LOC122539214: variants seen among roughly 807,000 people sequenced by gnomAD.
chr19:52,652,786 G>C, the LOC122539214 span: 121,008 of 845,264 alleles, frequency 0.14, 10,096 homozygotes, highest in East Asian at 0.28. Flanking sequence ...CCCACTAAAG[G>C]CTTTGCCACA....
the LOC122539214 span, chr19:52,655,379 C>A: frequency 1.7e-6 from 1 of 571,688 alleles, no homozygotes; most frequent in Non-Finnish European, 3.0e-6. Context: ...TATGTAAAAC[C>A]ACTCCATAGG....
At chr19:52,673,519 C>A in the LOC122539214 span, among the ~76,000 whole-genome samples, 7 of 151,842 alleles carry the variant, frequency 4.6e-5, no homozygotes, top group South Asian at 1.2e-3. Context: ...CACACACACA[C>A]AAAATGCTAT....
the LOC122539214 span, chr19:52,652,464 T>G: frequency 7.2e-6 from 3 of 414,942 alleles, no homozygotes; most frequent in Non-Finnish European, 9.6e-6. Flanking sequence ...CTGCCACAAT[T>G]ATCACAGTTG....
At chr19:52,685,796 G>C in the LOC122539214 span, among the ~76,000 whole-genome samples, 1 of 151,826 alleles carries the variant, frequency 6.6e-6, no homozygotes, top group African/African-American at 2.4e-5. Flanking sequence ...TACTCAGGAG[G>C]CTGAAGCAGG....
chr19:52,666,597 C>T, the LOC122539214 span, among the ~76,000 whole-genome samples: 14 of 107,688 alleles, frequency 1.3e-4, no homozygotes, highest in Admixed American at 1.7e-3. Context: ...CACACCTCAT[C>T]AAGGAAGAAC....
chr19:52,681,718 T>C, the LOC122539214 span, among the ~76,000 whole-genome samples: 1 of 152,296 alleles, frequency 6.6e-6, no homozygotes, highest in South Asian at 2.1e-4. Flanking sequence ...AGATACAGCT[T>C]CAAAACTAAA....
the LOC122539214 span, chr19:52,654,131 G>C: frequency 3.2e-5 from 52 of 1,605,498 alleles, 4 homozygotes; most frequent in Middle Eastern, 6.6e-3. Flanking sequence ...GATCCAAGCT[G>C]ATCTTTAATA....
At chr19:52,654,144 C>CTTG in the LOC122539214 span, 1 of 1,605,844 alleles carries the variant, frequency 6.2e-7, no homozygotes, top group Non-Finnish European at 8.5e-7. Flanking sequence ...CTTTAATAGG[C>CTTG]TTGTTTCCAG....
chr19:52,689,408 C>T, the LOC122539214 span, among the ~76,000 whole-genome samples: 59 of 152,106 alleles, frequency 3.9e-4, no homozygotes, highest in South Asian at 8.3e-4. Context: ...CACTCTCTAG[C>T]ACTCCAGATC....
At chr19:52,678,415 A>C in the LOC122539214 span, among the ~76,000 whole-genome samples, 1 of 142,672 alleles carries the variant, frequency 7.0e-6, no homozygotes. Context: ...GCACCATTGC[A>C]CTCCAGCCTG....
the LOC122539214 span, among the ~76,000 whole-genome samples, chr19:52,665,182 T>C: frequency 1.3e-5 from 2 of 152,062 alleles, no homozygotes. Flanking sequence ...TCCAGAGACT[T>C]TCCTAGAGCC....
the LOC122539214 span, chr19:52,653,323 T>G: frequency 7.6e-7 from 1 of 1,310,706 alleles, no homozygotes; most frequent in Non-Finnish European, 1.1e-6. Context: ...GTAAGGTTTC[T>G]CTCCAGTATG....
At chr19:52,671,283 T>C in the LOC122539214 span, among the ~76,000 whole-genome samples, 1 of 152,008 alleles carries the variant, frequency 6.6e-6, no homozygotes, top group Non-Finnish European at 1.5e-5. Context: ...TCTCAAATAC[T>C]TTTTTTTACA....
At chr19:52,674,602 T>C in the LOC122539214 span, among the ~76,000 whole-genome samples, 1 of 152,174 alleles carries the variant, frequency 6.6e-6, no homozygotes, top group Non-Finnish European at 1.5e-5. Context: ...AGCACCAAAA[T>C]TAGTTGAATT....
the LOC122539214 span, among the ~76,000 whole-genome samples, chr19:52,677,276 T>C: frequency 2.0e-5 from 3 of 150,448 alleles, no homozygotes; most frequent in Non-Finnish European, 4.4e-5. Context: ...CATTTTGCTT[T>C]TGAATATTAA....
At chr19:52,669,615 T>C in the LOC122539214 span, among the ~76,000 whole-genome samples, 1 of 152,192 alleles carries the variant, frequency 6.6e-6, no homozygotes, top group East Asian at 1.9e-4. Flanking sequence ...AACAAAGACA[T>C]TGCAAGGTCT....
At chr19:52,678,375 G>A in the LOC122539214 span, among the ~76,000 whole-genome samples, 1 of 150,456 alleles carries the variant, frequency 6.6e-6, no homozygotes, top group Admixed American at 6.6e-5. Context: ...ACTTGAACCT[G>A]GGGGACAGAG....
chr19:52,676,582 A>C, the LOC122539214 span, among the ~76,000 whole-genome samples: 2 of 151,210 alleles, frequency 1.3e-5, no homozygotes, highest in South Asian at 2.1e-4. Flanking sequence ...CCTACTGGGA[A>C]GTGAGGAGCC....
the LOC122539214 span, chr19:52,655,431 C>A: frequency 1.1e-6 from 1 of 872,800 alleles, no homozygotes; most frequent in South Asian, 1.6e-5. Flanking sequence ...GGAGGATCAT[C>A]ACTGCAGAAA....
Sources: allele counts gnomAD v4.1 joint callset (sites outside exome capture counted in the v4.1 genomes callset), GRCh38; gene constraint gnomAD v4.1.1; transcripts MANE v1.5.